The following GAS2L3 variants were observed in gnomAD, a reference collection of about 807,000 sequenced individuals.
GAS2L3 encodes the protein growth arrest specific 2 like 3.
A neutral mutation model predicts 37.0 loss-of-function variants in GAS2L3; 28 were observed. That is an observed-to-expected ratio of 0.76 (90% confidence interval 0.56 to 1.04). The LOEUF (loss-of-function observed/expected upper bound fraction) is 1.04, where lower values mean the gene tolerates loss of function less well. Among genes scored for constraint, GAS2L3 ranks in the 50% least tolerant of loss-of-function variants. The pLI is 0.00. For missense variants in GAS2L3, 793 were observed against 817.6 expected (o/e 0.97, Z 0.37); for synonymous variants, 290 against 296.6 (o/e 0.98, Z 0.23).
intron 7 of GAS2L3, among the ~76,000 whole-genome samples, chr12:100,618,174 C>T (rs1956210693): frequency 6.6e-6 from 1 of 152,118 alleles, no homozygotes; most frequent in East Asian, 1.9e-4. Context: ...TCAGTTCTAT[C>T]TTTACTCAGC....
intron 6 of GAS2L3, among the ~76,000 whole-genome samples, chr12:100,615,658 A>AT (rs1956177989): frequency 6.6e-6 from 1 of 151,974 alleles, no homozygotes; most frequent in Non-Finnish European, 1.5e-5. Context: ...TTTTAAGTTA[A>AT]TTTTTGTATA....
intron 1 of GAS2L3, among the ~76,000 whole-genome samples, chr12:100,585,054 A>G (rs1248245742): frequency 8.4e-6 from 1 of 118,618 alleles, no homozygotes; most frequent in African/African-American, 3.2e-5. Flanking sequence ...ACACCTGGCT[A>G]TTTTTTTTTT....
intron 1 of GAS2L3, among the ~76,000 whole-genome samples, chr12:100,582,963 T>C (rs1047126734): frequency 7.2e-5 from 11 of 152,174 alleles, no homozygotes; most frequent in African/African-American, 2.7e-4. Flanking sequence ...CATCATGACT[T>C]CTCCTCCTGT....
intron 3 of GAS2L3, among the ~76,000 whole-genome samples, chr12:100,597,255 G>T (rs1374542587): frequency 6.6e-6 from 1 of 151,752 alleles, no homozygotes; most frequent in African/African-American, 2.4e-5. Flanking sequence ...ATATTCCATT[G>T]ACTGTCAAAT....
At position 100,624,117 on chromosome 12, in the gene GAS2L3, T is replaced by A. The variant is rs753426456; in HGVS notation, c.1312T>A (p.Ser438Thr). Residue 438 changes from serine (S) to threonine (T), a missense_variant, in exon 10 of 10, where the codon TCC becomes ACC. Physicochemically the swap from Ser to Thr is moderately conservative, Grantham distance 58. Transcript: ENST00000547754. ...ISESPRKCIS[S>T]PNTPKAKVIP... ...TGAGTCACCGAGAAAATGTATTTCA[T>A]CCCCCAATACCCCCAAGGCCAAGGT... is the stretch of plus-strand genomic sequence containing the variant. The A allele has an allele frequency of 6.3e-5, 102 of 1,613,678 alleles. No homozygotes were observed. The highest frequency in any genetic ancestry group is 8.6e-5 in the Non-Finnish European group (102 of 1,179,950).
At chr12:100,616,736 AC>A (rs894132498) in intron 6 of GAS2L3, among the ~76,000 whole-genome samples, 5 of 152,198 alleles carry the variant, frequency 3.3e-5, no homozygotes, top group African/African-American at 1.2e-4. Context: ...GGTGTGAGCC[AC>A]CATGTCTGGC....
intron 4 of GAS2L3, 25 bp downstream of exon 4, chr12:100,600,575 A>G (rs770361336): frequency 5.6e-5 from 88 of 1,572,236 alleles, no homozygotes; most frequent in Non-Finnish European, 7.3e-5. Flanking sequence ...AATACCCAAA[A>G]TTGTATTATC....
chr12:100,582,225 A>G (rs1955722322), intron 1 of GAS2L3, among the ~76,000 whole-genome samples: 1 of 152,248 alleles, frequency 6.6e-6, no homozygotes, highest in African/African-American at 2.4e-5. Flanking sequence ...GGCCGGAGTT[A>G]CAAGGTGCTT....
rs1356724954 is a variant in GAS2L3 at position 100,625,045 on chromosome 12, C to T, written c.*155C>T. ...TGAGGAAAGGGTTCATCAGAATTCA[C>T]ATATCTGAATTCACTGGAAAGAGCC... On this transcript the variant is annotated 3_prime_UTR_variant, in exon 10 of 10. Transcript: ENST00000547754. 5.0e-6 allele frequency: 3 copies of T among 600,454 alleles called. No individual in the cohort carries two copies. Among genetic ancestry groups the T allele is most frequent in the African/African-American group, 1.8e-5 (1 of 54,148 alleles). 37.2% of individuals were successfully genotyped at this position (600,454 alleles called of 1,614,324 possible).
chr12:100,615,634 A>G (rs1956177219), intron 6 of GAS2L3, among the ~76,000 whole-genome samples: 1 of 151,886 alleles, frequency 6.6e-6, no homozygotes, highest in Non-Finnish European at 1.5e-5. Context: ...TCTTACTTTT[A>G]GGTCATTGAT....
intron 5 of GAS2L3, among the ~76,000 whole-genome samples, chr12:100,609,630 G>A (rs1956102411): frequency 6.6e-6 from 1 of 152,200 alleles, no homozygotes. Flanking sequence ...CTAGGACTTG[G>A]AATTCTTGTG....
In GAS2L3 at chr12:100,601,732, A is replaced by C. The variant is rs566164605; in HGVS notation, c.282A>C (p.Thr94=). Residue 94 remains threonine, a synonymous_variant, in exon 5 of 10, where the codon ACA becomes ACC. Coordinates refer to ENST00000547754, the MANE Select transcript of GAS2L3 (RefSeq NM_174942.3). ...ATGTTCTTCAAAACATGGTGAAAAC[A>C]TGCAACTCTGAAGAATCAGGGGTAA... ...LIDVLQNMVK[T]CNSEESGNFP... The C allele has an allele frequency of 6.3e-7, 1 of 1,584,848 alleles. No individual in the cohort carries two copies.
chr12:100,605,676 T>G (rs934269868), intron 5 of GAS2L3, among the ~76,000 whole-genome samples: 2 of 152,068 alleles, frequency 1.3e-5, no homozygotes, highest in African/African-American at 4.8e-5. Context: ...CCATAGGTTT[T>G]GGTATTTGTG....
intron 1 of GAS2L3, among the ~76,000 whole-genome samples, chr12:100,586,064 T>A (rs1235657716): frequency 1.3e-5 from 2 of 152,220 alleles, no homozygotes; most frequent in African/African-American, 4.8e-5. Context: ...AATTAGATCA[T>A]GTCGCTACTC....
rs762557555 is a variant in GAS2L3 at position 100,622,371 on chromosome 12, C to T, written c.745C>T (p.Leu249Phe). 2 of 1,506,780 alleles carry T rather than the reference C, an allele frequency of 1.3e-6. No individual in the cohort carries two copies. Among genetic ancestry groups the T allele is most frequent in the Non-Finnish European group, 9.2e-7 (1 of 1,085,936 alleles). The allele number at this position is 1,506,780 out of a possible 1,614,324, so 93.3% of individuals were successfully genotyped here. A position where few individuals can be genotyped will look rare whatever the true frequency, so the allele number is the denominator to read the frequency against. ...EGRYRLGDKI[L>F]FIRMLHGKHV... ...ACGGTACCGACTAGGGGATAAAATA[C>T]TCTTTATAAGAGTAAGTCCATTATT... Residue 249 changes from leucine (L) to phenylalanine (F), a missense_variant, in exon 9 of 10, where the codon CTC (leucine) becomes TTC (phenylalanine). Coordinates refer to ENST00000547754, the MANE Select transcript of GAS2L3 (RefSeq NM_174942.3).
In GAS2L3 at chr12:100,626,040, C is replaced by T. The variant is rs186458738; in HGVS notation, c.*1150C>T. On this transcript the variant is annotated 3_prime_UTR_variant, in exon 10 of 10. Transcript: ENST00000547754. ...CCTGATCATGTAATGACTGCATAAA[C>T]TCCATCAACCTAAGGTGATACTTGT... 1.0e-3 allele frequency: 152 copies of T among 152,252 alleles called. No individual in the cohort carries two copies. The highest frequency in any genetic ancestry group is 1.7e-3 in the Non-Finnish European group (119 of 68,012). 9.4% of individuals were successfully genotyped at this position (152,252 alleles called of 1,614,324 possible).
chr12:100,618,926 T>G (rs1269635364), intron 8 of GAS2L3, among the ~76,000 whole-genome samples: 1 of 152,084 alleles, frequency 6.6e-6, no homozygotes, highest in African/African-American at 2.4e-5. Context: ...ATAAGGAATA[T>G]TCTCATGGTC....
At chr12:100,622,562 T>G (rs191642349) in intron 9 of GAS2L3, among the ~76,000 whole-genome samples, 180 bp downstream of exon 9, 977 of 82,996 alleles carry the variant, frequency 0.012, 15 homozygotes, top group African/African-American at 0.034. Flanking sequence ...ATAATGAGTT[T>G]AGGTAAACAC....
intron 6 of GAS2L3, 58 bp from the exon 7 acceptor site, chr12:100,617,686 G>A: frequency 1.9e-6 from 2 of 1,037,416 alleles, no homozygotes; most frequent in South Asian, 2.6e-5. Context: ...TTCCATGCCA[G>A]AAATATGTTT....
Sources: allele counts gnomAD v4.1 joint callset (sites outside exome capture counted in the v4.1 genomes callset), GRCh38; gene constraint gnomAD v4.1.1; transcripts MANE v1.5; gene names NCBI Gene and HGNC (gene_info 2026-07-23, HGNC 2026-07-21).